Variants in PTK2 observed in about 807,000 individuals in gnomAD.
PTK2 encodes focal adhesion kinase 1.
In PTK2, 45 loss-of-function variants were observed where a neutral mutation model predicts 150.1. That is an observed-to-expected ratio of 0.30 (90% CI 0.24 to 0.38). The LOEUF (loss-of-function observed/expected upper bound fraction) is 0.38. PTK2 is among the 10% of genes least tolerant of loss of function. The pLI is 1.00. For synonymous variants in PTK2, 432 were observed against 449.2 expected (o/e 0.96, Z 0.48); for missense variants, 919 against 1,307.3 (o/e 0.70, Z 4.58).
At chr8:140,703,347 A>C (rs1187632047) in intron 24 of PTK2, among the ~76,000 whole-genome samples, 2 of 152,244 alleles carry the variant, frequency 1.3e-5, no homozygotes, top group Non-Finnish European at 2.9e-5. Flanking sequence ...GCCCTGTAGA[A>C]GCTGATAAGG....
At chr8:140,690,973 T>C (rs57412076) in intron 26 of PTK2, among the ~76,000 whole-genome samples, 2,931 of 152,260 alleles carry the variant, frequency 0.019, 98 homozygotes, top group African/African-American at 0.067. Context: ...AACCAACACA[T>C]AGGATTGTTA....
At chr8:140,813,310 A>G (rs1566885610) in intron 10 of PTK2, among the ~76,000 whole-genome samples, 1 of 152,144 alleles carries the variant, frequency 6.6e-6, no homozygotes, top group Non-Finnish European at 1.5e-5. Flanking sequence ...TTAAGGCAGA[A>G]ATCAAGAAGT....
exon 18 of PTK2, chr8:140,746,834 G>A (rs762301600): frequency 6.2e-7 from 1 of 1,612,410 alleles, no homozygotes; most frequent in South Asian, 1.1e-5. Flanking sequence ...TTCACAATAT[G>A]AGGATGGTCA....
intron 14 of PTK2, among the ~76,000 whole-genome samples, chr8:140,777,349 G>T (rs1308100717): frequency 6.6e-6 from 1 of 152,154 alleles, no homozygotes; most frequent in Non-Finnish European, 1.5e-5. Flanking sequence ...CAAGAGCAAG[G>T]GGTGGGGTGG....
At chr8:140,971,041 T>C (rs569765981) in intron 1 of PTK2, among the ~76,000 whole-genome samples, 3 of 152,346 alleles carry the variant, frequency 2.0e-5, no homozygotes, top group East Asian at 1.9e-4. Flanking sequence ...GTTGTTGACG[T>C]TGCTCAACTG....
chr8:140,962,273 G>GAGGA (rs1346990257), intron 1 of PTK2, among the ~76,000 whole-genome samples: 1 of 51,798 alleles, frequency 1.9e-5, no homozygotes, highest in Non-Finnish European at 7.4e-5. Flanking sequence ...AGAAGGGAGG[G>GAGGA]AGGAAGGGAG....
intron 4 of PTK2, among the ~76,000 whole-genome samples, chr8:140,878,466 G>A (rs907722749): frequency 2.0e-5 from 3 of 152,070 alleles, no homozygotes; most frequent in African/African-American, 4.8e-5. Context: ...TGGGCGTGGC[G>A]GTCTGTGCCT....
chr8:140,704,220 G>A (rs1336550112), intron 24 of PTK2, among the ~76,000 whole-genome samples: 1 of 152,170 alleles, frequency 6.6e-6, no homozygotes, highest in Non-Finnish European at 1.5e-5. Flanking sequence ...TAACCATGTA[G>A]AAGGATCACT....
intron 1 of PTK2, among the ~76,000 whole-genome samples, chr8:140,959,535 TC>T (rs2100182362): frequency 8.9e-6 from 1 of 112,468 alleles, no homozygotes; most frequent in Non-Finnish European, 2.0e-5. Flanking sequence ...CAAGACTCTG[TC>T]TCAAAAAAAA....
intron 4 of PTK2, among the ~76,000 whole-genome samples, chr8:140,877,740 A>G (rs1030926853): frequency 5.3e-5 from 8 of 152,018 alleles, no homozygotes; most frequent in African/African-American, 1.4e-4. Flanking sequence ...GAGAAATTCT[A>G]TATAACCCCA....
intron 12 of PTK2, among the ~76,000 whole-genome samples, chr8:140,797,322 G>A (rs1159417065): frequency 6.6e-6 from 1 of 152,074 alleles, no homozygotes; most frequent in Non-Finnish European, 1.5e-5. Context: ...TGAAAAATGA[G>A]AAATTTTAAT....
intron 27 of PTK2, among the ~76,000 whole-genome samples, chr8:140,681,304 G>C (rs2100016761): frequency 6.6e-6 from 1 of 150,494 alleles, no homozygotes; most frequent in Admixed American, 6.6e-5. Flanking sequence ...AGTGAGCCGA[G>C]ATCCTGCCAC....
chr8:140,879,674 C>G (rs1481097886), intron 3 of PTK2, 37 bp from the exon 4 acceptor site: 1 of 56,680 alleles, frequency 1.8e-5, no homozygotes, highest in Non-Finnish European at 3.0e-5. Context: ...CTGTTATAAA[C>G]TGAAAAAAAA....
intron 2 of PTK2, among the ~76,000 whole-genome samples, chr8:140,920,241 C>T (rs1199868903): frequency 1.3e-5 from 2 of 151,924 alleles, no homozygotes; most frequent in Admixed American, 1.3e-4. Flanking sequence ...AATATGTTTC[C>T]CAAATACTGT....
intron 4 of PTK2, among the ~76,000 whole-genome samples, chr8:140,877,387 A>G (rs2100146276): frequency 6.6e-6 from 1 of 152,120 alleles, no homozygotes; most frequent in African/African-American, 2.4e-5. Flanking sequence ...TTAAGACAAC[A>G]TTATTCCCAT....
At chr8:140,720,747 T>TTTTC (rs58983259) in intron 22 of PTK2, among the ~76,000 whole-genome samples, 3,693 of 152,190 alleles carry the variant, frequency 0.024, 70 homozygotes, top group African/African-American at 0.034. Context: ...CTCTAAGTCT[T>TTTTC]TTTCTTTCTT....
At chr8:140,830,571 C>G (rs1275551903) in intron 7 of PTK2, 45 bp from the exon 8 acceptor site, 2 of 1,113,760 alleles carry the variant, frequency 1.8e-6, no homozygotes, top group African/African-American at 3.3e-5. Context: ...ACCACCAAAT[C>G]AATTAATATG....
At chr8:140,874,160 T>C (rs2100144208) in intron 4 of PTK2, among the ~76,000 whole-genome samples, 1 of 152,190 alleles carries the variant, frequency 6.6e-6, no homozygotes, top group Non-Finnish European at 1.5e-5. Flanking sequence ...TGACATGTCA[T>C]GACAAAGAGC....
chr8:140,756,060 C>T (rs1408408000), intron 16 of PTK2, among the ~76,000 whole-genome samples: 2 of 152,114 alleles, frequency 1.3e-5, no homozygotes, highest in Non-Finnish European at 2.9e-5. Flanking sequence ...CATGGTGGCT[C>T]ACATCTGTAA....
Sources: gnomAD v4.1 joint callset for allele counts (sites outside exome capture counted in the v4.1 genomes callset) on GRCh38, gnomAD v4.1.1 for gene constraint, MANE v1.5 for transcripts, NCBI Gene and HGNC (gene_info 2026-07-23, HGNC 2026-07-21) for gene names.